GALNT18: variants seen among roughly 807,000 people sequenced by gnomAD.
The protein encoded by GALNT18 is GalNAc-transferase 18.
Under a neutral mutation model 69.5 loss-of-function variants are expected in GALNT18, and 44 were observed. The ratio of observed to expected loss-of-function variants is 0.63; its 90% confidence interval spans 0.50 to 0.81. GALNT18 has a LOEUF of 0.81. GALNT18 is among the 40% of genes least tolerant of loss of function. The probability of loss-of-function intolerance (pLI) is 0.00; values close to 1 mark genes in which losing one functional copy is unlikely to be tolerated. For synonymous variants in GALNT18, 364 were observed against 318.2 expected, an observed-to-expected ratio of 1.14 and a Z score of -1.53; for missense variants, 715 against 810.0, an observed-to-expected ratio of 0.88 and a Z score of 1.42.
At position 11,332,315 on chromosome 11, in the gene GALNT18, G is replaced by A. The variant is rs555927852; in HGVS notation, c.1416+379C>T. On this transcript the variant is annotated intron_variant, in intron 8 of 10. Transcript: ENST00000227756. The surrounding 1 kb of genome is among the most constrained non-coding windows in gnomAD (Gnocchi z 4.3). Reference sequence around the variant, plus strand: ...GCGAGTGGGAGGCATTAGCTCCTTGGTCAGGGAGGCACACAGGGTGACTCA... The same window carrying A: ...GCGAGTGGGAGGCATTAGCTCCTTGATCAGGGAGGCACACAGGGTGACTCA... Among the ~76,000 whole-genome samples the A allele has an allele frequency of 5.9e-5, 9 of 152,314 alleles. No homozygotes were observed. The highest frequency in any genetic ancestry group is 1.7e-4 in the African/African-American group (7 of 41,568).
chr11:11,342,280 A>G (rs1850221762), intron 6 of GALNT18, among the ~76,000 whole-genome samples: 1 of 152,210 alleles, frequency 6.6e-6, no homozygotes, highest in South Asian at 2.1e-4. Context: ...ACTGAATTTC[A>G]GGTGAATCTG....
chr11:11,288,852 ATCTT>A (rs1056815878), intron 10 of GALNT18, among the ~76,000 whole-genome samples: 1 of 138,636 alleles, frequency 7.2e-6, no homozygotes, highest in Non-Finnish European at 1.5e-5. Context: ...ATGCCTATCT[ATCTT>A]CTTGGTAGGA....
At chr11:11,279,881 T>TG (rs1239671615) in intron 10 of GALNT18, among the ~76,000 whole-genome samples, 1 of 152,178 alleles carries the variant, frequency 6.6e-6, no homozygotes, top group Non-Finnish European at 1.5e-5. Context: ...TGTTTCTGTA[T>TG]GTATCCATGT....
intron 2 of GALNT18, among the ~76,000 whole-genome samples, chr11:11,440,548 C>T (rs562763055): frequency 7.9e-5 from 12 of 152,344 alleles, no homozygotes; most frequent in Admixed American, 5.9e-4. Flanking sequence ...CAAAGCCTGG[C>T]TCAGGGCTCG....
rs1236735339 is a variant in GALNT18 at position 11,617,062 on chromosome 11, A to T, written c.235+4297T>A. 1.3e-5 allele frequency among the ~76,000 whole-genome samples: 2 copies of T among 151,852 alleles called. No homozygotes were observed. Among genetic ancestry groups the T allele is most frequent in the African/African-American group, 4.9e-5 (2 of 41,096 alleles). On this transcript the variant is annotated intron_variant, in intron 1 of 10. Coordinates refer to ENST00000227756, the MANE Select transcript of GALNT18 (RefSeq NM_198516.3). The surrounding 1 kb of genome is among the most constrained non-coding windows in gnomAD (Gnocchi z 4.7). ...TCCAATGAATTTTAAAGAAAACAGAACTATGGGATATTATGGGAGTGGTTT... is the reference window on the plus strand; with the variant it reads ...TCCAATGAATTTTAAAGAAAACAGATCTATGGGATATTATGGGAGTGGTTT...
At chr11:11,271,319 G>A in intron 10 of GALNT18, 29 bp from the exon 11 acceptor site, 8 of 1,598,114 alleles carry the variant, frequency 5.0e-6, no homozygotes, top group Non-Finnish European at 6.9e-6. Context: ...AGTGGGGTCA[G>A]AGGGCATAGA....
At chr11:11,526,640 T>G (rs1857533884) in intron 1 of GALNT18, among the ~76,000 whole-genome samples, 1 of 152,170 alleles carries the variant, frequency 6.6e-6, no homozygotes, top group Non-Finnish European at 1.5e-5. Context: ...TACACGTCCA[T>G]CAGGATCACC....
At chr11:11,593,596 T>C (rs527920685) in intron 1 of GALNT18, among the ~76,000 whole-genome samples, 72 of 152,262 alleles carry the variant, frequency 4.7e-4, no homozygotes, top group African/African-American at 1.7e-3. Context: ...TTCTACCATT[T>C]CCAGAGGCTT....
intron 1 of GALNT18, among the ~76,000 whole-genome samples, chr11:11,509,626 G>A (rs542555836): frequency 5.3e-5 from 8 of 152,312 alleles, no homozygotes; most frequent in South Asian, 2.1e-4. Flanking sequence ...CTTTGAAGAC[G>A]GAATGACTTT....
In GALNT18 at chr11:11,359,265, A is replaced by G. The variant is rs921483350; in HGVS notation, c.1092+13250T>C. Among the ~76,000 whole-genome samples, 3 of 141,074 alleles carry G rather than the reference A, an allele frequency of 2.1e-5. 1 individual carries two copies. The highest frequency in any genetic ancestry group is 4.8e-5 in the Non-Finnish European group (3 of 62,962). The allele number at this position is 141,074 out of a possible 152,430, so 92.6% of individuals were successfully genotyped here. ...AGGTCCAAGGCCTTTGGGGAGAACC[A>G]CATACCCAGTCTATCATGTGCTTCA... On this transcript the variant is annotated intron_variant, in intron 6 of 10. Coordinates refer to ENST00000227756, the MANE Select transcript of GALNT18 (RefSeq NM_198516.3).
intron 1 of GALNT18, among the ~76,000 whole-genome samples, chr11:11,558,089 A>G (rs1858375841): frequency 6.6e-6 from 1 of 152,158 alleles, no homozygotes; most frequent in Non-Finnish European, 1.5e-5. Flanking sequence ...TTCCTGGATA[A>G]GCTCCCCACA....
intron 9 of GALNT18, among the ~76,000 whole-genome samples, chr11:11,308,726 C>G (rs865875285): frequency 2.6e-5 from 4 of 152,296 alleles, no homozygotes; most frequent in Middle Eastern, 3.4e-3. Context: ...CATCAGACAC[C>G]ATTGCCCTCT....
In GALNT18 at chr11:11,461,320, G is replaced by C. The variant is rs1856038697; in HGVS notation, c.236-12384C>G. On this transcript the variant is annotated intron_variant, in intron 1 of 10. Coordinates refer to ENST00000227756, the MANE Select transcript of GALNT18 (RefSeq NM_198516.3). The surrounding 1 kb of genome is among the most constrained non-coding windows in gnomAD (Gnocchi z 4.1). Reference sequence around the variant, plus strand: ...ATGTGCACACACACTCACAGAAGTGGAAATAGCCTTGATTAGAAATTATGC... The same window carrying C: ...ATGTGCACACACACTCACAGAAGTGCAAATAGCCTTGATTAGAAATTATGC... 6.6e-6 allele frequency among the ~76,000 whole-genome samples: 1 copy of C among 152,146 alleles called. No homozygotes were observed. Among genetic ancestry groups the C allele is most frequent in the South Asian group, 2.1e-4 (1 of 4,824 alleles).
chr11:11,560,047 G>A (rs1184076121), intron 1 of GALNT18, among the ~76,000 whole-genome samples: 1 of 121,960 alleles, frequency 8.2e-6, no homozygotes, highest in Non-Finnish European at 1.8e-5. Context: ...GGATGGGATG[G>A]GATGGGATAG....
chr11:11,483,434 C>T (rs35588549), intron 1 of GALNT18, among the ~76,000 whole-genome samples: 31,300 of 152,274 alleles, frequency 0.21, 4,008 homozygotes, highest in South Asian at 0.28. Context: ...ATACAACCAA[C>T]TGCTGCCACA....
chr11:11,366,465 C>G (rs1292795837), intron 6 of GALNT18, among the ~76,000 whole-genome samples: 1 of 152,062 alleles, frequency 6.6e-6, no homozygotes, highest in East Asian at 1.9e-4. Context: ...TTCTTGTTAT[C>G]TTTACTGTTA....
At chr11:11,336,874 G>T (rs77542496) in intron 7 of GALNT18, among the ~76,000 whole-genome samples, 1 of 152,308 alleles carries the variant, frequency 6.6e-6, no homozygotes, top group East Asian at 1.9e-4. Context: ...TTGTGAACAA[G>T]TGTGAGGCAC....
At chr11:11,528,971 T>A (rs963383235) in intron 1 of GALNT18, among the ~76,000 whole-genome samples, 2 of 152,234 alleles carry the variant, frequency 1.3e-5, no homozygotes, top group Non-Finnish European at 2.9e-5. Flanking sequence ...TCTGCTACTA[T>A]GAGAGGCCCT....
At chr11:11,475,614 A>G (rs923006692) in intron 1 of GALNT18, 7 of 152,242 alleles carry the variant, frequency 4.6e-5, no homozygotes, top group Admixed American at 3.3e-4. Flanking sequence ...ACTTATGCTC[A>G]CTTAACAATG....
Sources: gnomAD v4.1 joint callset for allele counts (sites outside exome capture counted in the v4.1 genomes callset) on GRCh38, gnomAD v4.1.1 for gene constraint, Gnocchi (gnomAD v3.1) non-coding constraint, MANE v1.5 for transcripts, NCBI Gene and HGNC (gene_info 2026-07-23, HGNC 2026-07-21) for gene names.